PAWR: variants seen among roughly 807,000 people sequenced by gnomAD.
PAWR encodes the protein PRKC apoptosis WT1 regulator protein.
In PAWR, 23 loss-of-function variants were observed where a neutral mutation model predicts 32.0. The ratio of observed to expected loss-of-function variants is 0.72; its 90% CI spans 0.52 to 1.02. The LOEUF is 1.02. PAWR is among the 50% of genes least tolerant of loss of function. PAWR has a pLI of 0.00. For synonymous variants in PAWR, 226 were observed against 187.1 expected, an observed-to-expected ratio of 1.21 and a Z score of -1.70; for missense variants, 457 against 437.7, an observed-to-expected ratio of 1.04 and a Z score of -0.39.
chr12:79,628,503 A>G (rs1481960661), intron 2 of PAWR, among the ~76,000 whole-genome samples: 6 of 152,232 alleles, frequency 3.9e-5, no homozygotes, highest in African/African-American at 1.4e-4. Context: ...AACCCTTCGA[A>G]ATGACAACTT....
At chr12:79,648,830 G>A (rs751918632) in intron 2 of PAWR, among the ~76,000 whole-genome samples, 3 of 151,542 alleles carry the variant, frequency 2.0e-5, no homozygotes, top group Non-Finnish European at 4.4e-5. Context: ...AGGTCGTTTA[G>A]CAATTAACTT....
At chr12:79,669,317 G>C (rs954753215) in intron 2 of PAWR, among the ~76,000 whole-genome samples, 1 of 152,150 alleles carries the variant, frequency 6.6e-6, no homozygotes, top group Non-Finnish European at 1.5e-5. Context: ...AACTTTCCCT[G>C]CATGGAGGGA....
chr12:79,650,946 T>C (rs1876815286), intron 2 of PAWR, among the ~76,000 whole-genome samples: 2 of 152,322 alleles, frequency 1.3e-5, no homozygotes, highest in Admixed American at 1.3e-4. Context: ...ACCATACAAG[T>C]GCTTTAAGGG....
intron 2 of PAWR, among the ~76,000 whole-genome samples, chr12:79,662,740 C>T (rs966092375): frequency 6.6e-6 from 1 of 152,134 alleles, no homozygotes; most frequent in African/African-American, 2.4e-5. Context: ...AAGGCTTGAA[C>T]AAAATCACAT....
chr12:79,672,328 C>T (rs1305592553), intron 2 of PAWR, among the ~76,000 whole-genome samples: 1 of 152,168 alleles, frequency 6.6e-6, no homozygotes, highest in South Asian at 2.1e-4. Flanking sequence ...CTCTTCTCAC[C>T]TACCCAACTT....
Position 79,591,922 on chromosome 12 carries a change from A to G in PAWR, c.*685T>C, listed in dbSNP as rs1415250077. ...TAAGAAATTTTACATTGAAATTACA[A>G]TTGTATGTTTTTCAGGAGTTAAAGT... On this transcript the variant is annotated 3_prime_UTR_variant, in exon 7 of 7. Coordinates refer to ENST00000328827, the MANE Select transcript of PAWR (RefSeq NM_002583.4). 1 of 152,598 alleles carries G rather than the reference A, an allele frequency of 6.6e-6. No individual in the cohort carries two copies. Among genetic ancestry groups the G allele is most frequent in the Non-Finnish European group, 1.5e-5 (1 of 67,990 alleles). The allele number at this position is 152,598 out of a possible 1,614,324, so 9.5% of individuals were successfully genotyped here. A position where few individuals can be genotyped will look rare whatever the true frequency, so the allele number is the denominator to read the frequency against.
intron 6 of PAWR, among the ~76,000 whole-genome samples, chr12:79,593,708 T>G (rs1457252886): frequency 6.7e-6 from 1 of 148,684 alleles, no homozygotes; most frequent in Non-Finnish European, 1.5e-5. Flanking sequence ...AGGGTTTTTT[T>G]TTTTTTTTTT....
chr12:79,608,651 C>A (rs1566000455), intron 4 of PAWR, among the ~76,000 whole-genome samples: 2 of 152,116 alleles, frequency 1.3e-5, no homozygotes, highest in Admixed American at 6.6e-5. Context: ...TAAACAATGG[C>A]AAAGATTTAG....
At chr12:79,616,332 T>C (rs764824727) in intron 3 of PAWR, among the ~76,000 whole-genome samples, 4 of 152,220 alleles carry the variant, frequency 2.6e-5, no homozygotes, top group African/African-American at 7.2e-5. Context: ...ATTGCCCAGA[T>C]TGCCTTTTAC....
At chr12:79,668,244 T>A (rs909010620) in intron 2 of PAWR, 2 of 152,218 alleles carry the variant, frequency 1.3e-5, no homozygotes, top group Non-Finnish European at 2.9e-5. Context: ...TAGAAGAAAA[T>A]GTATTTCCTT....
At chr12:79,602,716 A>G (rs976558686) in intron 4 of PAWR, among the ~76,000 whole-genome samples, 2 of 152,040 alleles carry the variant, frequency 1.3e-5, no homozygotes, top group Admixed American at 1.3e-4. Context: ...GATATTTAAT[A>G]GCTGTTGATT....
intron 4 of PAWR, among the ~76,000 whole-genome samples, chr12:79,603,113 T>C (rs543775000): frequency 3.3e-4 from 50 of 151,990 alleles, no homozygotes; most frequent in African/African-American, 1.2e-3. Context: ...TCAGGCATGG[T>C]GGCATGTTCC....
At chr12:79,607,584 C>T (rs1874238663) in intron 4 of PAWR, among the ~76,000 whole-genome samples, 1 of 151,912 alleles carries the variant, frequency 6.6e-6, no homozygotes, top group Non-Finnish European at 1.5e-5. Flanking sequence ...TAAAAATTAG[C>T]TGGGTGTGGT....
At chr12:79,632,340 T>TAC (rs1385885915) in intron 2 of PAWR, among the ~76,000 whole-genome samples, 673 of 61,686 alleles carry the variant, frequency 0.011, 41 homozygotes, top group Non-Finnish European at 0.013. Flanking sequence ...TATATATATA[T>TAC]ATATATATAT....
At position 79,596,508 on chromosome 12, in the gene PAWR, T is replaced by A. The variant is rs150110662; in HGVS notation, c.831+3A>T. 1 of 1,485,148 alleles carries A rather than the reference T, an allele frequency of 6.7e-7. No homozygotes were observed. The highest frequency in any genetic ancestry group is 9.3e-7 in the Non-Finnish European group (1 of 1,078,784). The allele number at this position is 1,485,148 out of a possible 1,614,324, so 92.0% of individuals were successfully genotyped here. Reference sequence around the variant, plus strand: ...TCAATCTTAAATAACTTATAATCCATACCTTTTCAAGATCTTCAATTTTCT... The same window carrying A: ...TCAATCTTAAATAACTTATAATCCAAACCTTTTCAAGATCTTCAATTTTCT... On this transcript the variant is annotated splice_donor_region_variant and intron_variant, in intron 5 of 6. Transcript: ENST00000328827.
intron 5 of PAWR, among the ~76,000 whole-genome samples, chr12:79,595,040 T>A (rs998196951): frequency 1.3e-5 from 2 of 152,156 alleles, no homozygotes; most frequent in African/African-American, 4.8e-5. Context: ...ATTTAGCTTA[T>A]CACCACTATA....
At position 79,586,910 on chromosome 12, in the gene PAWR, A is replaced by G. The variant is rs1303847915; in HGVS notation, c.*5697T>C. 2 of 152,140 alleles carry G rather than the reference A, an allele frequency of 1.3e-5. No homozygotes were observed. Among genetic ancestry groups the G allele is most frequent in the Non-Finnish European group, 2.9e-5 (2 of 67,990 alleles). 9.4% of individuals were successfully genotyped at this position (152,140 alleles called of 1,614,324 possible). Reference sequence around the variant, plus strand: ...GATCTTATAACCAGTCTCTCTCTTTAATATGAAGGCCCAACATTACATAAT... The same window carrying G: ...GATCTTATAACCAGTCTCTCTCTTTGATATGAAGGCCCAACATTACATAAT... On this transcript the variant is annotated 3_prime_UTR_variant, in exon 7 of 7. Transcript: ENST00000328827.
intron 2 of PAWR, among the ~76,000 whole-genome samples, chr12:79,689,503 G>C (rs1878858688): frequency 6.6e-6 from 1 of 152,166 alleles, no homozygotes; most frequent in Admixed American, 6.5e-5. Context: ...CTGAGACCTG[G>C]CCAGGAAGCC....
intron 2 of PAWR, among the ~76,000 whole-genome samples, chr12:79,663,355 T>C (rs12316084): frequency 0.13 from 19,935 of 152,200 alleles, 4,319 homozygotes; most frequent in African/African-American, 0.45. Context: ...CTGACAGAAA[T>C]GGGTGCCACT....
Sources: allele counts gnomAD v4.1 joint callset (sites outside exome capture counted in the v4.1 genomes callset), GRCh38; gene constraint gnomAD v4.1.1; transcripts MANE v1.5; gene names NCBI Gene and HGNC (gene_info 2026-07-23, HGNC 2026-07-21).